ALPK1: variants seen among roughly 807,000 people sequenced by gnomAD.
ALPK1 encodes alpha-protein kinase 1.
Under a neutral mutation model 120.6 loss-of-function variants are expected in ALPK1, and 110 were observed. The observed-to-expected ratio is 0.91, with a 90% confidence interval of 0.78 to 1.07. The LOEUF (loss-of-function observed/expected upper bound fraction) is 1.07. ALPK1 is among the 50% of genes least tolerant of loss of function. The pLI is 0.00. For missense variants in ALPK1, 1,498 were observed against 1,483.9 expected (o/e 1.01, Z -0.16); for synonymous variants, 582 against 560.3 (o/e 1.04, Z -0.55).
intron 2 of ALPK1, chr4:112,357,122 G>A (rs747410418): frequency 3.1e-6 from 4 of 1,276,388 alleles, no homozygotes; most frequent in South Asian, 1.3e-5. Context: ...CATCGATGCT[G>A]TTGAGCTGCC....
intron 2 of ALPK1, among the ~76,000 whole-genome samples, chr4:112,370,101 T>C (rs1019247967): frequency 5.9e-5 from 9 of 152,190 alleles, no homozygotes; most frequent in African/African-American, 2.2e-4. Context: ...TGAAAAAGAC[T>C]CAAACACAGA....
rs548784891 is a variant in ALPK1 at position 112,427,488 on chromosome 4, A to T, written c.700-82A>T. 2.8e-5 allele frequency: 24 copies of T among 867,404 alleles called. 2 individuals carry two copies. The South Asian group carries it at 3.7e-4, about 13-fold the overall frequency. The allele number at this position is 867,404 out of a possible 1,614,324, so 53.7% of individuals were successfully genotyped here. A position where few individuals can be genotyped will look rare whatever the true frequency, so the allele number is the denominator to read the frequency against. On this transcript the variant is annotated intron_variant, in intron 8 of 15. Transcript: ENST00000650871. Reference sequence around the variant, plus strand: ...AGGCAAATAGTTCATATGGAGGAATAATCATAGCCTTTAGGCCATGGATGA... The same window carrying T: ...AGGCAAATAGTTCATATGGAGGAATTATCATAGCCTTTAGGCCATGGATGA...
At chr4:112,387,804 G>T (rs1052140907) in intron 4 of ALPK1, among the ~76,000 whole-genome samples, 1 of 152,026 alleles carries the variant, frequency 6.6e-6, no homozygotes, top group African/African-American at 2.4e-5. Flanking sequence ...TTAAGTTCAG[G>T]GCTACACATG....
chr4:112,312,374 G>A (rs1021464553), intron 1 of ALPK1, among the ~76,000 whole-genome samples: 5 of 151,972 alleles, frequency 3.3e-5, no homozygotes, highest in African/African-American at 9.7e-5. Context: ...CCCGGGTCAC[G>A]TCATTCTCCT....
chr4:112,304,458 G>T (rs557984473), intron 1 of ALPK1, among the ~76,000 whole-genome samples: 1 of 152,198 alleles, frequency 6.6e-6, no homozygotes, highest in South Asian at 2.1e-4. Context: ...GGTGTGAGAT[G>T]GTACCTCATT....
chr4:112,306,178 G>A (rs951471236), intron 1 of ALPK1, among the ~76,000 whole-genome samples: 5 of 151,884 alleles, frequency 3.3e-5, no homozygotes, highest in East Asian at 3.9e-4. Flanking sequence ...TTTTTGCATC[G>A]ATGTTCATCA....
rs776469743 is a variant in ALPK1, at chr4:112,439,806, G to A, written c.3472G>A (p.Gly1158Ser). ...AACAGAATACAAAGCCACAGAATAT[G>A]GCTTGGCCTATGGCCATTTTTCTTA... The part of the protein sequence containing the change: ...VKTEYKATEY[G>S]LAYGHFSYEF... Residue 1158 changes from glycine to serine, a missense_variant, in exon 14 of 16, where the codon GGC becomes AGC. Transcript: ENST00000650871. The A allele has an allele frequency of 2.5e-6, 4 of 1,613,024 alleles. No homozygotes were observed. In the South Asian group the frequency reaches 4.4e-5, roughly 18 times the overall value.
intron 2 of ALPK1, among the ~76,000 whole-genome samples, chr4:112,367,338 G>A (rs778899242): frequency 6.6e-6 from 1 of 152,162 alleles, no homozygotes; most frequent in African/African-American, 2.4e-5. Context: ...GTTATTTCTA[G>A]TGTTGGGATC....
At chr4:112,350,705 C>T (rs1730317098) in intron 2 of ALPK1, among the ~76,000 whole-genome samples, 1 of 152,212 alleles carries the variant, frequency 6.6e-6, no homozygotes, top group African/African-American at 2.4e-5. Context: ...TCTTCTCTGT[C>T]ATAGCTTTTG....
At position 112,411,786 on chromosome 4, in the gene ALPK1, C is replaced by G. The variant is rs376090210; in HGVS notation, c.277-41C>G. 7.0e-6 allele frequency: 11 copies of G among 1,563,944 alleles called. No homozygotes were observed. The African/African-American group carries it at 1.4e-4, about 19-fold the overall frequency. ...CTAAGCCTGGCCCTCAGCCTGCCAG[C>G]GTTTCCGCCTGGCTCACGATGTTCC... On this transcript the variant is annotated intron_variant, in intron 4 of 15. Coordinates refer to ENST00000650871, the MANE Select transcript of ALPK1 (RefSeq NM_025144.4).
intron 4 of ALPK1, among the ~76,000 whole-genome samples, chr4:112,391,647 G>C (rs1732425647): frequency 6.6e-6 from 1 of 152,230 alleles, no homozygotes; most frequent in Admixed American, 6.5e-5. Context: ...TAGAGGCAGA[G>C]ATTGGAACCA....
intron 4 of ALPK1, among the ~76,000 whole-genome samples, chr4:112,405,317 A>G (rs1733116777): frequency 6.6e-6 from 1 of 152,188 alleles, no homozygotes; most frequent in Non-Finnish European, 1.5e-5. Context: ...TCACCAAATC[A>G]TCATTTGCTC....
chr4:112,358,643 G>A, intron 2 of ALPK1: 2 of 716,800 alleles, frequency 2.8e-6, no homozygotes. Flanking sequence ...CTGGCGAGGA[G>A]CAGGCCCACA....
intron 4 of ALPK1, among the ~76,000 whole-genome samples, chr4:112,400,395 C>T (rs1172024383): frequency 6.6e-6 from 1 of 152,156 alleles, no homozygotes; most frequent in African/African-American, 2.4e-5. Context: ...TTCTCATTGA[C>T]TCTCTTTTCT....
intron 2 of ALPK1, among the ~76,000 whole-genome samples, chr4:112,349,478 G>T (rs1447108002): frequency 6.7e-6 from 1 of 150,096 alleles, no homozygotes; most frequent in East Asian, 2.0e-4. Flanking sequence ...TTTTTTTTGT[G>T]TTTTACATAT....
chr4:112,328,901 G>C (rs780958420), intron 2 of ALPK1, among the ~76,000 whole-genome samples: 1 of 152,148 alleles, frequency 6.6e-6, no homozygotes, highest in Non-Finnish European at 1.5e-5. Flanking sequence ...ATAAAGCAGG[G>C]TCATTATCCC....
chr4:112,426,071 C>A (rs1330232719), intron 7 of ALPK1: 1 of 219,670 alleles, frequency 4.6e-6, no homozygotes, highest in Non-Finnish European at 8.9e-6. Flanking sequence ...TTATACTATA[C>A]CCACCGTGAC....
intron 2 of ALPK1, among the ~76,000 whole-genome samples, chr4:112,321,470 A>T (rs1326204775): frequency 6.6e-6 from 1 of 151,982 alleles, no homozygotes; most frequent in Non-Finnish European, 1.5e-5. Context: ...ACACGTTTTC[A>T]TGTAGGTATT....
chr4:112,373,507 C>G (rs1731510118), intron 2 of ALPK1, among the ~76,000 whole-genome samples: 1 of 152,168 alleles, frequency 6.6e-6, no homozygotes, highest in African/African-American at 2.4e-5. Flanking sequence ...GTATCCCAAA[C>G]AGAAAAGAGA....
Sources: gnomAD v4.1 joint callset for allele counts (sites outside exome capture counted in the v4.1 genomes callset) on GRCh38, gnomAD v4.1.1 for gene constraint, MANE v1.5 for transcripts, NCBI Gene and HGNC (gene_info 2026-07-23, HGNC 2026-07-21) for gene names.